Variants in UBAC2 observed in about 807,000 individuals in gnomAD.
UBAC2 encodes UBA domain containing 2.
A neutral mutation model predicts 44.0 loss-of-function variants in UBAC2; 26 were observed. The observed-to-expected ratio is 0.59, with a 90% confidence interval of 0.43 to 0.82. The LOEUF (loss-of-function observed/expected upper bound fraction) is 0.82, where lower values mean the gene tolerates loss of function less well. Ranked by LOEUF, UBAC2 falls within the 40% of genes least tolerant of loss-of-function variation. The pLI is 0.00. For synonymous variants in UBAC2, 155 were observed against 154.3 expected (o/e 1.00, Z -0.04); for missense variants, 329 against 419.4 (o/e 0.78, Z 1.88).
chr13:99,272,210 C>A (rs1296433830), intron 4 of UBAC2, among the ~76,000 whole-genome samples: 1 of 152,152 alleles, frequency 6.6e-6, no homozygotes, highest in Non-Finnish European at 1.5e-5. Context: ...GGTCAAGTGC[C>A]TTGTGGGCCA....
At chr13:99,211,928 G>T (rs2042941138) in intron 1 of UBAC2, among the ~76,000 whole-genome samples, 1 of 152,160 alleles carries the variant, frequency 6.6e-6, no homozygotes, top group African/African-American at 2.4e-5. Flanking sequence ...GTTCTACCAT[G>T]CTCCTTCTCC....
chr13:99,255,314 G>T lies in UBAC2; in HGVS notation c.389+10690G>T, dbSNP rs41279138. The stretch of plus-strand genomic sequence containing the variant: ...AAAAATGTCAGTCGAGTGAGGTTCA[G>T]CACGTTCACAGCTTTTAGATAGATG... On this transcript the variant is annotated intron_variant, in intron 4 of 8. Coordinates refer to ENST00000403766, the MANE Select transcript of UBAC2 (RefSeq NM_001144072.2). The T allele has an allele frequency of 4.7e-3, 7,585 of 1,614,134 alleles. 19 individuals are homozygous for T. The highest frequency in any genetic ancestry group is 5.9e-3 in the Non-Finnish European group (6,943 of 1,180,020).
chr13:99,360,744 G>T (rs903039970), intron 7 of UBAC2, among the ~76,000 whole-genome samples: 1 of 152,134 alleles, frequency 6.6e-6, no homozygotes, highest in African/African-American at 2.4e-5. Context: ...TGCTTTGGCC[G>T]CAGTGGGTTG....
intron 8 of UBAC2, among the ~76,000 whole-genome samples, chr13:99,373,321 C>G (rs1187185510): frequency 2.6e-5 from 4 of 152,008 alleles, no homozygotes; most frequent in Non-Finnish European, 5.9e-5. Context: ...CTGACCCTCC[C>G]AAAGCTTAGA....
chr13:99,350,285 A>G (rs1405310751), intron 7 of UBAC2, among the ~76,000 whole-genome samples: 1 of 152,106 alleles, frequency 6.6e-6, no homozygotes, highest in Non-Finnish European at 1.5e-5. Context: ...CTTCGCCCAC[A>G]GTGAGAAGTG....
chr13:99,292,592 A>C (rs1308737412), intron 4 of UBAC2, among the ~76,000 whole-genome samples: 1 of 152,096 alleles, frequency 6.6e-6, no homozygotes, highest in Non-Finnish European at 1.5e-5. Flanking sequence ...CTGTTTTATA[A>C]ATTATTGAGC....
chr13:99,379,439 A>G (rs562348605), intron 8 of UBAC2, among the ~76,000 whole-genome samples: 1 of 152,366 alleles, frequency 6.6e-6, no homozygotes, highest in East Asian at 1.9e-4. Context: ...ACATTAAAAA[A>G]TTTGGTTTCA....
At chr13:99,285,328 C>G (rs1451856648) in intron 4 of UBAC2, among the ~76,000 whole-genome samples, 1 of 151,462 alleles carries the variant, frequency 6.6e-6, no homozygotes, top group Non-Finnish European at 1.5e-5. Flanking sequence ...TATTTTTGTA[C>G]TTTATTAGAA....
intron 2 of UBAC2, among the ~76,000 whole-genome samples, chr13:99,241,355 C>G (rs933869541): frequency 2.0e-4 from 30 of 151,842 alleles, no homozygotes; most frequent in Admixed American, 1.8e-3. Context: ...ACCCAAATGT[C>G]TATTAACAGA....
At chr13:99,352,890 T>C (rs965659060) in intron 7 of UBAC2, among the ~76,000 whole-genome samples, 3 of 152,174 alleles carry the variant, frequency 2.0e-5, no homozygotes, top group African/African-American at 4.8e-5. Context: ...TCTCCACCCC[T>C]GTGTCCGGGG....
In UBAC2 at chr13:99,385,247, T is replaced by C; in HGVS notation, c.947T>C (p.Met316Thr). The change falls in exon 9 of 9, where the codon ATG becomes ACG. Residue 316 changes from methionine to threonine, a missense_variant. Met to Thr is a moderately conservative substitution (Grantham distance 81, BLOSUM62 -1). Coordinates refer to ENST00000403766, the MANE Select transcript of UBAC2 (RefSeq NM_001144072.2). ...CTGCAGGTCGCCCGGCTCATGGAGA[T>C]GGGATTTTCCAGAGGTGATGCTTTG... ...SEEQVARLME[M>T]GFSRGDALEA... 1 of 1,614,152 alleles carries C rather than the reference T, an allele frequency of 6.2e-7. No homozygotes were observed. Among genetic ancestry groups the C allele is most frequent in the South Asian group, 1.1e-5 (1 of 91,086 alleles).
At chr13:99,232,409 T>G (rs533677170) in intron 1 of UBAC2, among the ~76,000 whole-genome samples, 4 of 139,350 alleles carry the variant, frequency 2.9e-5, no homozygotes, top group African/African-American at 1.0e-4. Context: ...GATATAGATA[T>G]ATATATATAT....
intron 2 of UBAC2, 85 bp from the exon 3 acceptor site, chr13:99,243,747 C>T: frequency 8.4e-7 from 1 of 1,184,630 alleles, no homozygotes; most frequent in African/African-American, 1.6e-5. Context: ...TAAAAATAGG[C>T]AGTGTAAACA....
intron 1 of UBAC2, 197 bp downstream of exon 1, chr13:99,201,136 A>G: frequency 7.4e-7 from 1 of 1,356,392 alleles, no homozygotes; most frequent in Non-Finnish European, 9.5e-7. Context: ...GGAGGGGCGA[A>G]TGGGGACAAA....
chr13:99,204,163 G>A (rs2042839663), intron 1 of UBAC2, among the ~76,000 whole-genome samples: 1 of 152,094 alleles, frequency 6.6e-6, no homozygotes, highest in Non-Finnish European at 1.5e-5. Context: ...TATTTTCCAG[G>A]TATAGTTCCC....
intron 4 of UBAC2, among the ~76,000 whole-genome samples, chr13:99,304,429 C>T (rs2044301333): frequency 6.6e-6 from 1 of 152,106 alleles, no homozygotes; most frequent in African/African-American, 2.4e-5. Context: ...GATTTTCTTC[C>T]CTGTCTCCCA....
chr13:99,386,451 A>G lies in UBAC2; in HGVS notation c.*1116A>G, dbSNP rs1192665150. ...TTACTCTTCAGTATTTTTCTATCAG[A>G]CTTGTACAAATAAAGCCTTGTTCCA... On this transcript the variant is annotated 3_prime_UTR_variant, in exon 9 of 9. Transcript: ENST00000403766. 1.3e-5 allele frequency: 2 copies of G among 152,238 alleles called. No individual in the cohort carries two copies. The highest frequency in any genetic ancestry group is 1.5e-5 in the Non-Finnish European group (1 of 68,042). 9.4% of individuals were successfully genotyped at this position (152,238 alleles called of 1,614,324 possible). A position where few individuals can be genotyped will look rare whatever the true frequency, so the allele number is the denominator to read the frequency against.
intron 8 of UBAC2, among the ~76,000 whole-genome samples, chr13:99,373,907 G>A (rs2045444227): frequency 6.6e-6 from 1 of 152,206 alleles, no homozygotes; most frequent in South Asian, 2.1e-4. Flanking sequence ...AGAGGAGGGG[G>A]CAGGTTATAA....
Position 99,225,235 on chromosome 13 carries a change from G to A in UBAC2, c.32-13192G>A, listed in dbSNP as rs141764466. On this transcript the variant is annotated intron_variant, in intron 1 of 8. Coordinates refer to ENST00000403766, the MANE Select transcript of UBAC2 (RefSeq NM_001144072.2). ...TTAAGTACGTTCATATTGTGCAACC[G>A]ATGTCTATAACTCTTCTCATCTTGC... Among the ~76,000 whole-genome samples, 355 of 152,138 alleles carry A rather than the reference G, an allele frequency of 2.3e-3. 4 individuals are homozygous for A. Among genetic ancestry groups the A allele is most frequent in the South Asian group, 9.2e-3 (44 of 4,804 alleles).
Sources: gnomAD v4.1 joint callset for allele counts (sites outside exome capture counted in the v4.1 genomes callset) on GRCh38, gnomAD v4.1.1 for gene constraint, MANE v1.5 for transcripts, NCBI Gene and HGNC (gene_info 2026-07-23, HGNC 2026-07-21) for gene names.